The following MAP4K3 variants were observed in gnomAD, a reference collection of about 807,000 sequenced individuals.
MAP4K3 encodes the protein mitogen-activated protein kinase kinase kinase kinase 3, also known as MAPK/ERK kinase kinase kinase 3.
Under a neutral mutation model 143.5 loss-of-function variants are expected in MAP4K3, and 94 were observed. The observed-to-expected ratio is 0.65, with a 90% confidence interval of 0.55 to 0.78. MAP4K3 has a LOEUF of 0.78. Among genes scored for constraint, MAP4K3 ranks in the 30% least tolerant of loss-of-function variants. The pLI is 0.00. For missense variants in MAP4K3, 1,077 were observed against 1,068.1 expected (o/e 1.01, Z -0.12); for synonymous variants, 416 against 347.2 (o/e 1.20, Z -2.20).
At position 39,433,116 on chromosome 2, in the gene MAP4K3, C is replaced by T. The variant is rs891511917; in HGVS notation, c.96+3776G>A. On this transcript the variant is annotated intron_variant, in intron 1 of 33. Transcript: ENST00000263881. ...TCATGGTATGGCTTTTCCTGAAGCA[C>T]CCCAACCACACTTTGGAAAATGCCT... 9.2e-5 allele frequency among the ~76,000 whole-genome samples: 14 copies of T among 152,164 alleles called. No homozygotes were observed. In the East Asian group the frequency reaches 2.5e-3, roughly 27 times the overall value.
chr2:39,290,836 C>T (rs555957621), intron 18 of MAP4K3, among the ~76,000 whole-genome samples: 1 of 151,958 alleles, frequency 6.6e-6, no homozygotes, highest in African/African-American at 2.4e-5. Context: ...TTTGGGAGGC[C>T]GAGGTGGGCA....
intron 1 of MAP4K3, among the ~76,000 whole-genome samples, chr2:39,387,899 T>A (rs988402361): frequency 1.3e-5 from 2 of 152,200 alleles, no homozygotes; most frequent in African/African-American, 4.8e-5. Context: ...AAAAAAATTT[T>A]AAAAACAGAT....
Position 39,268,634 on chromosome 2 carries a change from A to ATTTTTTTTTTTTTTTTTTTT in MAP4K3, c.1974-1407_1974-1388dup, listed in dbSNP as rs70954799. 4.1e-5 allele frequency among the ~76,000 whole-genome samples: 3 copies of ATTTTTTTTTTTTTTTTTTTT among 73,772 alleles called. 1 individual carries two copies. Among genetic ancestry groups the ATTTTTTTTTTTTTTTTTTTT allele is most frequent in the Non-Finnish European group, 7.1e-5 (3 of 42,154 alleles). The allele number at this position is 73,772 out of a possible 152,430, so 48.4% of individuals were successfully genotyped here. A position where few individuals can be genotyped will look rare whatever the true frequency, so the allele number is the denominator to read the frequency against. ...CTGTGCCCGGCTAAAGATTTTTTCT[A>ATTTTTTTTTTTTTTTTTTTT]TTTTTTTTTTTTTTTTTTTTTTTGA... On this transcript the variant is annotated intron_variant, in intron 26 of 33. Transcript: ENST00000263881.
chr2:39,296,955 T>C (rs1682306091), intron 16 of MAP4K3, among the ~76,000 whole-genome samples: 1 of 152,198 alleles, frequency 6.6e-6, no homozygotes, highest in Admixed American at 6.5e-5. Context: ...CAAAGTCATG[T>C]AGCTTATAGG....
In MAP4K3 at chr2:39,325,661, C is replaced by G. The variant is rs371071030; in HGVS notation, c.808-33G>C. ...AATTAAATACAATGCAGAACACTTA[C>G]TATAAATCTGATTGAATAACATTTT... On this transcript the variant is annotated intron_variant, in intron 11 of 33. Transcript: ENST00000263881. 1.1e-5 allele frequency: 17 copies of G among 1,567,778 alleles called. No individual in the cohort carries two copies. The East Asian group carries it at 3.8e-4, about 35-fold the overall frequency.
intron 1 of MAP4K3, among the ~76,000 whole-genome samples, chr2:39,417,092 C>A (rs1443707297): frequency 6.6e-6 from 1 of 152,048 alleles, no homozygotes; most frequent in South Asian, 2.1e-4. Context: ...CTTAAAAATA[C>A]GAGAACTGTT....
intron 1 of MAP4K3, among the ~76,000 whole-genome samples, chr2:39,413,631 T>G (rs1320725846): frequency 2.0e-5 from 3 of 151,978 alleles, no homozygotes; most frequent in Non-Finnish European, 2.9e-5. Flanking sequence ...GAATACGGAC[T>G]AAATAGAAAG....
In MAP4K3 at chr2:39,436,318, CAA is replaced by C. The variant is rs60264140; in HGVS notation, c.96+572_96+573del. ...TTAGAGAAAACAAAGTTGCTCTTTC[CAA>C]AAAAAAAAAAAAGTCATTACTCTGG... On this transcript the variant is annotated intron_variant, in intron 1 of 33. Coordinates refer to ENST00000263881, the MANE Select transcript of MAP4K3 (RefSeq NM_003618.4). Among the ~76,000 whole-genome samples, 304 of 129,350 alleles carry C rather than the reference CAA, an allele frequency of 2.4e-3. 2 individuals are homozygous for C. The highest frequency in any genetic ancestry group is 7.8e-3 in the African/African-American group (273 of 34,994). 84.9% of individuals were successfully genotyped at this position (129,350 alleles called of 152,430 possible).
intron 1 of MAP4K3, among the ~76,000 whole-genome samples, chr2:39,394,386 A>C (rs1233310602): frequency 1.3e-5 from 2 of 152,220 alleles, no homozygotes; most frequent in African/African-American, 4.8e-5. Flanking sequence ...ATTTAATGGG[A>C]ATGGAGAGAA....
intron 1 of MAP4K3, among the ~76,000 whole-genome samples, chr2:39,432,797 C>T (rs1423029896): frequency 6.6e-6 from 1 of 152,088 alleles, no homozygotes; most frequent in African/African-American, 2.4e-5. Flanking sequence ...TTTTTTCCTG[C>T]CAGCTTTCAC....
At chr2:39,428,457 G>A (rs1211011579) in intron 1 of MAP4K3, among the ~76,000 whole-genome samples, 1 of 151,130 alleles carries the variant, frequency 6.6e-6, no homozygotes. Context: ...GTGATCACCT[G>A]AGGTCAGGAG....
intron 2 of MAP4K3, among the ~76,000 whole-genome samples, chr2:39,369,604 C>T (rs1666027215): frequency 3.3e-5 from 5 of 152,122 alleles, no homozygotes; most frequent in Admixed American, 3.3e-4. Flanking sequence ...TTATACTATC[C>T]TCATGTGGAA....
At chr2:39,416,290 G>C (rs1299877688) in intron 1 of MAP4K3, among the ~76,000 whole-genome samples, 1 of 151,888 alleles carries the variant, frequency 6.6e-6, no homozygotes, top group African/African-American at 2.4e-5. Context: ...AAACCAAATA[G>C]ATAAGATGTT....
intron 3 of MAP4K3, among the ~76,000 whole-genome samples, chr2:39,355,782 A>G (rs530421257): frequency 1.3e-5 from 2 of 152,318 alleles, no homozygotes; most frequent in South Asian, 2.1e-4. Context: ...ACCTGGAAAA[A>G]TAAGTTACTG....
chr2:39,305,807 T>C (rs1467436273), intron 15 of MAP4K3, among the ~76,000 whole-genome samples: 6 of 151,270 alleles, frequency 4.0e-5, no homozygotes, highest in Admixed American at 1.3e-4. Flanking sequence ...GTTCCACATG[T>C]GGCACAGAAA....
At chr2:39,381,731 C>T (rs1666360321) in intron 1 of MAP4K3, among the ~76,000 whole-genome samples, 1 of 152,050 alleles carries the variant, frequency 6.6e-6, no homozygotes, top group African/African-American at 2.4e-5. Flanking sequence ...TTTAATCTGG[C>T]CCCCATCTAT....
chr2:39,308,127 G>C (rs1029423827), intron 14 of MAP4K3, 122 bp from the exon 15 acceptor site: 12 of 577,890 alleles, frequency 2.1e-5, no homozygotes, highest in Non-Finnish European at 3.5e-5. Flanking sequence ...AAGGCAAATG[G>C]AGAGTCAAAC....
rs771526626 is a variant in MAP4K3 at position 39,290,264 on chromosome 2, T to C, written c.1314+28A>G. 1.2e-5 allele frequency: 19 copies of C among 1,569,060 alleles called. No homozygotes were observed. The Middle Eastern group carries it at 1.7e-3, about 139-fold the overall frequency. ...AATTGGCAGAACAATAACACACATATATCAAATTGAAAAATAAATCTGTCT... is the reference window on the plus strand; with the variant it reads ...AATTGGCAGAACAATAACACACATACATCAAATTGAAAAATAAATCTGTCT... On this transcript the variant is annotated intron_variant, in intron 19 of 33. Coordinates refer to ENST00000263881, the MANE Select transcript of MAP4K3 (RefSeq NM_003618.4).
intron 27 of MAP4K3, among the ~76,000 whole-genome samples, chr2:39,265,590 T>C (rs534520882): frequency 1.8e-3 from 272 of 152,314 alleles, no homozygotes; most frequent in African/African-American, 6.2e-3. Flanking sequence ...TTTCGTCTTA[T>C]GATGGTAGGA....
Sources: gnomAD v4.1 joint callset for allele counts (sites outside exome capture counted in the v4.1 genomes callset) on GRCh38, gnomAD v4.1.1 for gene constraint, MANE v1.5 for transcripts, NCBI Gene and HGNC (gene_info 2026-07-23, HGNC 2026-07-21) for gene names.